CHRDL1: variants seen among roughly 807,000 people sequenced by gnomAD.
CHRDL1 encodes chordin-like protein 1.
A neutral mutation model predicts 40.9 loss-of-function variants in CHRDL1; 19 were observed. That is an observed-to-expected ratio of 0.46 (90% confidence interval 0.32 to 0.68). CHRDL1 has a LOEUF of 0.68. Ranked by LOEUF, CHRDL1 falls within the 30% of genes least tolerant of loss-of-function variation. CHRDL1 has a pLI of 0.03. For synonymous variants in CHRDL1, 136 were observed against 123.4 expected (o/e 1.10, Z -0.68); for missense variants, 329 against 352.1 (o/e 0.93, Z 0.53).
intron 4 of CHRDL1, among the ~76,000 whole-genome samples, chrX:110,732,437 A>G (rs1320637506): frequency 8.9e-6 from 1 of 112,060 alleles, no homozygotes; most frequent in Non-Finnish European, 1.9e-5. Flanking sequence ...CTAAACAGAC[A>G]GACACAACAC....
In CHRDL1 at chrX:110,674,381, T is replaced by A. The variant is rs775884139; in HGVS notation, c.*1850A>T. 1 of 109,254 alleles carries A rather than the reference T, an allele frequency of 9.2e-6. No individual in the cohort carries two copies. Among genetic ancestry groups the A allele is most frequent in the African/African-American group, 3.3e-5 (1 of 29,933 alleles). 9.0% of individuals were successfully genotyped at this position (109,254 alleles called of 1,213,427 possible). Reference sequence around the variant, plus strand: ...ACACCTCTTTGCCTTAGGATCTAGTTACTAGTCTCCACATTATGGAATCAC... The same window carrying A: ...ACACCTCTTTGCCTTAGGATCTAGTAACTAGTCTCCACATTATGGAATCAC... On this transcript the variant is annotated 3_prime_UTR_variant, in exon 12 of 12. Transcript: ENST00000372042.
chrX:110,741,317 C>A (rs1055820739), intron 4 of CHRDL1, among the ~76,000 whole-genome samples: 1 of 111,726 alleles, frequency 9.0e-6, no homozygotes, highest in Non-Finnish European at 1.9e-5. Context: ...AGGATCTGAA[C>A]AAAGGGTATA....
intron 4 of CHRDL1, among the ~76,000 whole-genome samples, chrX:110,728,119 A>AAT (rs759247022): frequency 4.5e-5 from 5 of 109,903 alleles, no homozygotes; most frequent in Middle Eastern, 4.7e-3. Context: ...ATATTTTTAA[A>AAT]ATATATATAT....
chrX:110,703,493 C>T lies in CHRDL1; in HGVS notation c.542-2772G>A, dbSNP rs375931647. Among the ~76,000 whole-genome samples the T allele has an allele frequency of 1.3e-3, 148 of 111,661 alleles. 3 individuals are homozygous for T. Among genetic ancestry groups the T allele is most frequent in the African/African-American group, 4.6e-3 (142 of 30,779 alleles). On this transcript the variant is annotated intron_variant, in intron 6 of 11. Transcript: ENST00000372042. ...CTATGTTTATAACTAGAAAATTATGCCCAAGAGTCAGTTAACATGCTTTGA... is the reference window on the plus strand; with the variant it reads ...CTATGTTTATAACTAGAAAATTATGTCCAAGAGTCAGTTAACATGCTTTGA...
At chrX:110,705,281 CTA>C (rs10551964) in intron 6 of CHRDL1, among the ~76,000 whole-genome samples, 24,219 of 76,577 alleles carry the variant, frequency 0.32, 4,035 homozygotes, top group African/African-American at 0.63. Flanking sequence ...GTAATGGAGA[CTA>C]TATATATATA....
intron 2 of CHRDL1, among the ~76,000 whole-genome samples, chrX:110,780,778 G>GA (rs1440867994): frequency 9.0e-6 from 1 of 111,336 alleles, no homozygotes; most frequent in African/African-American, 3.3e-5. Context: ...TTAAGTAAGG[G>GA]AAAATGGAAC....
At chrX:110,737,277 GAGA>G (rs2071279973) in intron 4 of CHRDL1, among the ~76,000 whole-genome samples, 1 of 112,031 alleles carries the variant, frequency 8.9e-6, no homozygotes, top group Admixed American at 9.4e-5. Flanking sequence ...TTCTTGAGAG[GAGA>G]AGGAGGGAAT....
chrX:110,711,846 T>G (rs1293055417), intron 6 of CHRDL1, among the ~76,000 whole-genome samples: 1 of 112,109 alleles, frequency 8.9e-6, no homozygotes, highest in Non-Finnish European at 1.9e-5. Context: ...ACTAATATAC[T>G]TTTAAACAAT....
chrX:110,694,479 G>C (rs1049947429), intron 7 of CHRDL1, 148 bp from the exon 8 acceptor site: 31 of 391,575 alleles, frequency 7.9e-5, no homozygotes, highest in Non-Finnish European at 1.3e-4. Context: ...ATAGAAATAG[G>C]GATGTGGTCA....
At position 110,759,718 on chromosome X, in the gene CHRDL1, T is replaced by C; in HGVS notation, c.244A>G (p.Asn82Asp). ...NVLCSRVRCP[N>D]VHCLSPVHIP... The stretch of plus-strand genomic sequence containing the variant: ...TGCACAGGAGAAAGGCAATGAACAT[T>C]TGGACATCTGACTCGGCTGCAAAGC... The change falls in exon 4 of 12, where the codon AAT becomes GAT. Residue 82 changes from asparagine (N) to aspartate (D), a missense_variant. Asn to Asp is a conservative substitution (Grantham distance 23, BLOSUM62 1). Coordinates refer to ENST00000372042, the MANE Select transcript of CHRDL1 (RefSeq NM_001143981.2). 2 of 1,204,413 alleles carry C rather than the reference T, an allele frequency of 1.7e-6. No individual in the cohort carries two copies. Among genetic ancestry groups the C allele is most frequent in the Non-Finnish European group, 2.2e-6 (2 of 889,252 alleles).
chrX:110,795,617 T>C (rs1302013836), intron 1 of CHRDL1, 127 bp downstream of exon 1: 1 of 111,147 alleles, frequency 9.0e-6, no homozygotes, highest in Non-Finnish European at 1.9e-5. Flanking sequence ...CAGGTTGGGG[T>C]GGCAGGGGAA....
intron 2 of CHRDL1, among the ~76,000 whole-genome samples, chrX:110,783,604 T>C (rs1259104184): frequency 8.9e-6 from 1 of 112,112 alleles, no homozygotes; most frequent in Non-Finnish European, 1.9e-5. Context: ...CATGACTTAC[T>C]GCTAACTAAT....
At chrX:110,737,908 A>G (rs1218320832) in intron 4 of CHRDL1, among the ~76,000 whole-genome samples, 2 of 111,824 alleles carry the variant, frequency 1.8e-5, no homozygotes, top group African/African-American at 6.5e-5. Flanking sequence ...ACATTTGGCA[A>G]TGTCTGGAGA....
At chrX:110,738,762 T>C (rs1387642967) in intron 4 of CHRDL1, among the ~76,000 whole-genome samples, 1 of 107,512 alleles carries the variant, frequency 9.3e-6, no homozygotes, top group Non-Finnish European at 1.9e-5. Context: ...AAACAATGAA[T>C]AGGATTAACA....
rs2070953469 is a variant in CHRDL1 at position 110,721,526 on chromosome X, G to A, written c.306C>T (p.Asp102=). The change falls in exon 5 of 12, where the codon GAC becomes GAT. Residue 102 remains aspartate, a synonymous_variant. Transcript: ENST00000372042. ...CCTTATTGTTCACTGGGGGTAAGGAGTCTTCTAGAACAGGGTGGAGAAAAA... is the reference window on the plus strand; with the variant it reads ...CCTTATTGTTCACTGGGGGTAAGGAATCTTCTAGAACAGGGTGGAGAAAAA... The part of the protein sequence containing the change: ...PHLCCPRCPE[D]SLPPVNNKVT... The A allele has an allele frequency of 8.3e-7, 1 of 1,205,076 alleles. No individual in the cohort carries two copies. Among genetic ancestry groups the A allele is most frequent in the Non-Finnish European group, 1.1e-6 (1 of 890,577 alleles).
chrX:110,721,130 A>G (rs1389790199), intron 5 of CHRDL1, among the ~76,000 whole-genome samples: 1 of 112,143 alleles, frequency 8.9e-6, no homozygotes, highest in East Asian at 2.8e-4. Context: ...GATCAACACA[A>G]ACAGCTCACC....
intron 2 of CHRDL1, among the ~76,000 whole-genome samples, chrX:110,772,161 C>T (rs2089771480): frequency 9.0e-6 from 1 of 111,536 alleles, no homozygotes; most frequent in African/African-American, 3.3e-5. Flanking sequence ...TTGAAAGATA[C>T]AAAATTGTTA....
intron 2 of CHRDL1, among the ~76,000 whole-genome samples, chrX:110,768,063 T>C (rs372616423): frequency 8.9e-6 from 1 of 112,135 alleles, no homozygotes; most frequent in African/African-American, 3.2e-5. Flanking sequence ...GTGTTCTTTT[T>C]CTTGAAAAGG....
At chrX:110,713,749 C>T (rs1179605708) in intron 6 of CHRDL1, among the ~76,000 whole-genome samples, 1 of 112,603 alleles carries the variant, frequency 8.9e-6, no homozygotes, top group Non-Finnish European at 1.9e-5. Flanking sequence ...CTATTTTTGC[C>T]AGGATCAAAT....
Sources: gnomAD v4.1 joint callset for allele counts (sites outside exome capture counted in the v4.1 genomes callset) on GRCh38, gnomAD v4.1.1 for gene constraint, MANE v1.5 for transcripts, NCBI Gene and HGNC (gene_info 2026-07-23, HGNC 2026-07-21) for gene names.